FHIP1A: variants seen among roughly 807,000 people sequenced by gnomAD.
FHIP1A encodes FHF complex subunit HOOK-interacting protein 1A.
FHIP1A carries 61 observed loss-of-function variants against 88.6 expected under a neutral mutation model. The observed-to-expected ratio is 0.69, with a 90% CI of 0.56 to 0.85. FHIP1A has a LOEUF of 0.85. FHIP1A is among the 40% of genes least tolerant of loss of function. FHIP1A has a pLI of 0.00. For missense variants in FHIP1A, 1,154 were observed against 1,273.5 expected, an observed-to-expected ratio of 0.91 and a Z score of 1.43; for synonymous variants, 478 against 496.0, an observed-to-expected ratio of 0.96 and a Z score of 0.48.
chr4:151,551,608 T>C (rs939290722), intron 3 of FHIP1A, among the ~76,000 whole-genome samples: 6 of 152,278 alleles, frequency 3.9e-5, no homozygotes, highest in Admixed American at 2.6e-4. Context: ...TAATAAATGG[T>C]GCTGGGAAAA....
At chr4:151,636,617 T>C (rs2063787004) in intron 8 of FHIP1A, among the ~76,000 whole-genome samples, 1 of 151,970 alleles carries the variant, frequency 6.6e-6, no homozygotes, top group Non-Finnish European at 1.5e-5. Context: ...TATGAATAAA[T>C]TTTTACAAAA....
intron 3 of FHIP1A, among the ~76,000 whole-genome samples, chr4:151,508,685 G>GC (rs1730917421): frequency 6.6e-6 from 1 of 152,150 alleles, no homozygotes; most frequent in Non-Finnish European, 1.5e-5. Flanking sequence ...AGAATCATGG[G>GC]CTTACCAAAA....
intron 7 of FHIP1A, among the ~76,000 whole-genome samples, chr4:151,609,344 C>A (rs1346837476): frequency 6.6e-6 from 1 of 152,070 alleles, no homozygotes; most frequent in Non-Finnish European, 1.5e-5. Flanking sequence ...TACTTTTTTT[C>A]ACTTCCCATT....
intron 3 of FHIP1A, among the ~76,000 whole-genome samples, chr4:151,491,661 G>A (rs951490041): frequency 2.0e-5 from 3 of 152,036 alleles, no homozygotes; most frequent in Non-Finnish European, 2.9e-5. Context: ...AACGTTGAGC[G>A]TAAATGACCT....
chr4:151,511,214 A>C (rs1218557000), intron 3 of FHIP1A, among the ~76,000 whole-genome samples: 1 of 152,256 alleles, frequency 6.6e-6, no homozygotes, highest in Non-Finnish European at 1.5e-5. Context: ...TCACGGGACT[A>C]TCAGTCCTTT....
intron 3 of FHIP1A, among the ~76,000 whole-genome samples, chr4:151,560,878 A>G (rs1241014208): frequency 1.3e-5 from 2 of 152,144 alleles, no homozygotes; most frequent in Non-Finnish European, 2.9e-5. Flanking sequence ...AATTTTTTTT[A>G]ATTTTAAGCT....
intron 3 of FHIP1A, among the ~76,000 whole-genome samples, chr4:151,504,562 TTTATGTTATGTTATG>T (rs59935750): frequency 6.2e-5 from 9 of 145,124 alleles, no homozygotes; most frequent in East Asian, 6.1e-4. Flanking sequence ...GGGAAAAAAT[TTTATGTTATGTTATG>T]TTATGTTATG....
intron 1 of FHIP1A, among the ~76,000 whole-genome samples, chr4:151,443,605 T>C (rs1728485596): frequency 6.9e-6 from 1 of 145,650 alleles, no homozygotes. Context: ...TAAAAAGATG[T>C]GTATGTAGAG....
chr4:151,519,107 C>T (rs748513004), intron 3 of FHIP1A, among the ~76,000 whole-genome samples: 69 of 152,178 alleles, frequency 4.5e-4, no homozygotes, highest in Non-Finnish European at 8.2e-4. Context: ...AAATGAAATG[C>T]GTACATCTTA....
intron 7 of FHIP1A, among the ~76,000 whole-genome samples, chr4:151,592,230 GT>G (rs1312320125): frequency 1.3e-5 from 2 of 152,102 alleles, no homozygotes; most frequent in Non-Finnish European, 2.9e-5. Context: ...CGCCTCCCAG[GT>G]TCATGCGATT....
At chr4:151,575,248 A>T (rs1733743558) in intron 4 of FHIP1A, among the ~76,000 whole-genome samples, 2 of 152,210 alleles carry the variant, frequency 1.3e-5, no homozygotes, top group South Asian at 2.1e-4. Flanking sequence ...CTGATAAGGC[A>T]TGAATTTTGT....
chr4:151,433,673 A>G, intron 1 of FHIP1A, among the ~76,000 whole-genome samples: 1 of 152,128 alleles, frequency 6.6e-6, no homozygotes, highest in East Asian at 1.9e-4. Flanking sequence ...ACTTGCTCAA[A>G]GAGAGAAGGG....
rs1374015903 is a variant in FHIP1A at position 151,667,507 on chromosome 4, T to C, written c.*4753T>C. On this transcript the variant is annotated 3_prime_UTR_variant, in exon 14 of 14. Coordinates refer to ENST00000435205, the MANE Select transcript of FHIP1A (RefSeq NM_001109977.3). ...AGTAAATCCTCTCTACATTCAGGCA[T>C]TTATTAGGCCATTACTTGTTTTGGG... 6.6e-6 allele frequency among the ~76,000 whole-genome samples: 1 copy of C among 152,198 alleles called. No individual in the cohort carries two copies. The highest frequency in any genetic ancestry group is 1.5e-5 in the Non-Finnish European group (1 of 68,032).
rs1258445665 is a variant in FHIP1A at position 151,540,419 on chromosome 4, A to G, written c.-122-25719A>G. Reference sequence around the variant, plus strand: ...TTTTTAAGTTTGATCCTTTCACTTTATACCTTAGTTCTACCTAGTTTTAGC... The same window carrying G: ...TTTTTAAGTTTGATCCTTTCACTTTGTACCTTAGTTCTACCTAGTTTTAGC... On this transcript the variant is annotated intron_variant, in intron 3 of 13. Coordinates refer to ENST00000435205, the MANE Select transcript of FHIP1A (RefSeq NM_001109977.3). Among the ~76,000 whole-genome samples the G allele has an allele frequency of 2.0e-5, 3 of 152,220 alleles. No individual in the cohort carries two copies. In the East Asian group the frequency reaches 5.8e-4, roughly 29 times the overall value.
At position 151,409,306 on chromosome 4, in the gene FHIP1A, C is replaced by A; in HGVS notation, c.-515C>A. On this transcript the variant is annotated 5_prime_UTR_variant, in exon 1 of 14. Transcript: ENST00000435205. ...CCTGGAGGACCTGGGCCAAGACTTTCGAGCGGCGGCCGCCCGAGGTGCGAG... is the reference window on the plus strand; with the variant it reads ...CCTGGAGGACCTGGGCCAAGACTTTAGAGCGGCGGCCGCCCGAGGTGCGAG... 6.5e-6 allele frequency: 1 copy of A among 152,752 alleles called. No individual in the cohort carries two copies. The highest frequency in any genetic ancestry group is 1.5e-5 in the Non-Finnish European group (1 of 68,448). 9.5% of individuals were successfully genotyped at this position (152,752 alleles called of 1,614,324 possible).
At chr4:151,444,845 A>G (rs1057412153) in intron 1 of FHIP1A, among the ~76,000 whole-genome samples, 4 of 152,250 alleles carry the variant, frequency 2.6e-5, no homozygotes, top group Admixed American at 6.5e-5. Flanking sequence ...GAGGATTACA[A>G]TTTTTTACTG....
At chr4:151,621,222 T>A (rs572842305) in intron 7 of FHIP1A, among the ~76,000 whole-genome samples, 1 of 152,202 alleles carries the variant, frequency 6.6e-6, no homozygotes, top group South Asian at 2.1e-4. Context: ...TCAGGTGAGG[T>A]AAAGCAGGAA....
intron 7 of FHIP1A, among the ~76,000 whole-genome samples, chr4:151,609,825 C>A (rs1735227952): frequency 6.6e-6 from 1 of 152,058 alleles, no homozygotes; most frequent in Admixed American, 6.5e-5. Context: ...TGGCCTACAG[C>A]CAACTTCATA....
At chr4:151,493,651 A>T (rs1730362131) in intron 3 of FHIP1A, among the ~76,000 whole-genome samples, 1 of 152,252 alleles carries the variant, frequency 6.6e-6, no homozygotes, top group Admixed American at 6.5e-5. Flanking sequence ...CATACCAGGG[A>T]TGCAGGATTG....
Sources: allele counts gnomAD v4.1 joint callset (sites outside exome capture counted in the v4.1 genomes callset), GRCh38; gene constraint gnomAD v4.1.1; transcripts MANE v1.5; gene names NCBI Gene and HGNC (gene_info 2026-07-23, HGNC 2026-07-21).